LRRC56: variants seen among roughly 807,000 people sequenced by gnomAD.
The protein encoded by LRRC56 is leucine-rich repeat-containing protein 56.
A neutral mutation model predicts 47.8 loss-of-function variants in LRRC56; 41 were observed. The ratio of observed to expected loss-of-function variants is 0.86; its 90% confidence interval spans 0.67 to 1.11. The LOEUF is 1.11. LRRC56 is among the 50% of genes most tolerant of loss of function. The probability of loss-of-function intolerance (pLI) is 0.00; values close to 1 mark genes in which losing one functional copy is unlikely to be tolerated. For synonymous variants in LRRC56, 387 were observed against 311.2 expected (o/e 1.24, Z -2.56); for missense variants, 759 against 704.2 (o/e 1.08, Z -0.88).
At chr11:531,372 G>T in the LRRC56 span, among the ~76,000 whole-genome samples, 2 of 152,140 alleles carry the variant, frequency 1.3e-5, no homozygotes, top group African/African-American at 2.4e-5. Context: ...GGGAGGGGAG[G>T]GGCACCAGGG....
chr11:544,873 G>C, intron 6 of LRRC56, 93 bp downstream of exon 6: 1 of 1,199,406 alleles, frequency 8.3e-7, no homozygotes, highest in Non-Finnish European at 1.2e-6. Context: ...TGGTGGGAGT[G>C]GGGGGACTTG....
chr11:514,920 T>C, the LRRC56 span, among the ~76,000 whole-genome samples: 3 of 152,234 alleles, frequency 2.0e-5, no homozygotes, highest in Admixed American at 1.3e-4. Flanking sequence ...GGCTGGTTGC[T>C]GCTTCTCACC....
chr11:533,742 C>T (rs2133989475), upstream of LRRC56: 1 of 1,612,996 alleles, frequency 6.2e-7, no homozygotes, highest in East Asian at 2.2e-5. Context: ...GCGTGGGCTC[C>T]CGGGCCAGCC....
intron 1 of LRRC56, among the ~76,000 whole-genome samples, chr11:537,918 C>T (rs1851602457): frequency 6.6e-6 from 1 of 152,272 alleles, no homozygotes; most frequent in Admixed American, 6.5e-5. Context: ...CGGGCTCTGC[C>T]TTCCGAGCCC....
At chr11:509,052 G>C in the LRRC56 span, among the ~76,000 whole-genome samples, 1 of 151,688 alleles carries the variant, frequency 6.6e-6, no homozygotes, top group South Asian at 2.1e-4. Flanking sequence ...TCTCAAAAAA[G>C]AAAAAAGAAA....
the LRRC56 span, chr11:506,780 G>C: frequency 1.3e-5 from 2 of 152,376 alleles, no homozygotes; most frequent in African/African-American, 2.4e-5. Context: ...AGGCACTAGA[G>C]GGCTTGACGG....
At chr11:510,756 A>C in the LRRC56 span, among the ~76,000 whole-genome samples, 1 of 151,782 alleles carries the variant, frequency 6.6e-6, no homozygotes, top group Admixed American at 6.6e-5. Flanking sequence ...AAAATACAAA[A>C]AAATGAGCTG....
intron 5 of LRRC56, among the ~76,000 whole-genome samples, chr11:544,118 G>A (rs1281088194): frequency 6.6e-6 from 1 of 152,244 alleles, no homozygotes; most frequent in Non-Finnish European, 1.5e-5. Flanking sequence ...TCCTACAAAA[G>A]ACTCCGAACG....
chr11:544,228 A>C (rs1306987330), intron 5 of LRRC56, among the ~76,000 whole-genome samples: 1 of 152,132 alleles, frequency 6.6e-6, no homozygotes, highest in Non-Finnish European at 1.5e-5. Flanking sequence ...TGACGGTCTG[A>C]GATGCCAGGG....
chr11:532,862 T>C (rs571783713), upstream of LRRC56: 36 of 1,117,126 alleles, frequency 3.2e-5, no homozygotes, highest in African/African-American at 1.1e-4. Context: ...AGCTCCCGAC[T>C]CCACCAGCCA....
intron 5 of LRRC56, among the ~76,000 whole-genome samples, chr11:544,452 C>T (rs868123483): frequency 2.0e-5 from 3 of 152,310 alleles, no homozygotes; most frequent in Middle Eastern, 3.4e-3. Context: ...GGCGCGGAGC[C>T]GTGAGGCTTT....
At chr11:511,415 G>A in the LRRC56 span, among the ~76,000 whole-genome samples, 8 of 152,226 alleles carry the variant, frequency 5.3e-5, no homozygotes, top group East Asian at 7.7e-4. Flanking sequence ...AGGTTCATAC[G>A]TGAGTGGTTA....
At chr11:549,294 C>T (rs931927216) in intron 6 of LRRC56, among the ~76,000 whole-genome samples, 30 of 152,186 alleles carry the variant, frequency 2.0e-4, no homozygotes, top group African/African-American at 7.2e-4. Context: ...AAGGGACGGC[C>T]TCCCAGCCGA....
At chr11:512,053 TC>T in the LRRC56 span, among the ~76,000 whole-genome samples, 4 of 151,666 alleles carry the variant, frequency 2.6e-5, no homozygotes, top group East Asian at 5.8e-4. Flanking sequence ...AAGTGATTCT[TC>T]CGCCTCAGCC....
In LRRC56 at chr11:541,546, G is replaced by A. The variant is rs1157007643; in HGVS notation, c.187G>A (p.Ala63Thr). 1.9e-6 allele frequency: 3 copies of A among 1,578,264 alleles called. No homozygotes were observed. The highest frequency in any genetic ancestry group is 2.6e-6 in the Non-Finnish European group (3 of 1,160,512). The change falls in exon 5 of 14, where the codon GCC (alanine) becomes ACC (threonine). Residue 63 changes from alanine to threonine, a missense_variant. By Grantham distance (58) the Ala-to-Thr change is moderately conservative. Transcript: ENST00000270115. This position sits in a 1 kb window ranked among gnomAD's most constrained non-coding sequence, Gnocchi z 4.1. ...YLSPARLQAL[A>T]RVDDLRLVRT... Reference sequence around the variant, plus strand: ...CGGTTGGTTTCTACAGCAGGCCCTGGCCCGGGTGGATGACCTTCGGCTGGT... The same window carrying A: ...CGGTTGGTTTCTACAGCAGGCCCTGACCCGGGTGGATGACCTTCGGCTGGT...
In LRRC56 at chr11:554,454, G is replaced by A. The variant is rs758759172; in HGVS notation, c.*178G>A. On this transcript the variant is annotated 3_prime_UTR_variant, in exon 14 of 14. Coordinates refer to ENST00000270115, the MANE Select transcript of LRRC56 (RefSeq NM_198075.4). ...TGGGACCAGCCAGGGAGGCAGCAGA[G>A]GCTGGAACCCAGTTTAGGCCCCCAA... is the stretch of plus-strand genomic sequence containing the variant. 7.6e-6 allele frequency: 4 copies of A among 526,242 alleles called. No homozygotes were observed. The highest frequency in any genetic ancestry group is 1.2e-5 in the Non-Finnish European group (4 of 325,770). 32.6% of individuals were successfully genotyped at this position (526,242 alleles called of 1,614,324 possible). A position where few individuals can be genotyped will look rare whatever the true frequency, so the allele number is the denominator to read the frequency against.
upstream of LRRC56, chr11:534,167 C>T (rs774140219): frequency 4.1e-6 from 6 of 1,475,784 alleles, no homozygotes; most frequent in South Asian, 1.1e-5. Context: ...GTCCTGGGCT[C>T]GCCCGCAGCA....
chr11:516,300 C>A, the LRRC56 span, among the ~76,000 whole-genome samples: 3 of 151,704 alleles, frequency 2.0e-5, no homozygotes, highest in African/African-American at 7.3e-5. Context: ...GGCTGAGGTA[C>A]AAGAATCACT....
upstream of LRRC56, chr11:535,641 G>A: frequency 6.6e-6 from 1 of 151,814 alleles, no homozygotes; most frequent in African/African-American, 2.4e-5. Context: ...GCGCGCCATC[G>A]GGCCCCGCCC....
Sources: gnomAD v4.1 joint callset for allele counts (sites outside exome capture counted in the v4.1 genomes callset) on GRCh38, gnomAD v4.1.1 for gene constraint, Gnocchi (gnomAD v3.1) non-coding constraint, MANE v1.5 for transcripts, NCBI Gene and HGNC (gene_info 2026-07-23, HGNC 2026-07-21) for gene names.